GPC5: variants seen among roughly 807,000 people sequenced by gnomAD.
GPC5 encodes the protein glypican-5.
GPC5 carries 47 observed loss-of-function variants against 53.9 expected under a neutral mutation model. That is an observed-to-expected ratio of 0.87 (90% CI 0.69 to 1.11). The LOEUF is 1.11. Ranked by LOEUF, GPC5 falls within the 50% of genes most tolerant of loss-of-function variation. The pLI, the probability that GPC5 is intolerant of heterozygous loss-of-function variation, is 0.00. For synonymous variants in GPC5, 286 were observed against 263.3 expected (o/e 1.09, Z -0.84); for missense variants, 748 against 713.1 (o/e 1.05, Z -0.56).
chr13:91,491,830 A>T (rs1013504335), intron 2 of GPC5, among the ~76,000 whole-genome samples: 1 of 152,084 alleles, frequency 6.6e-6, no homozygotes, highest in Admixed American at 6.6e-5. Flanking sequence ...GTAATCCAGG[A>T]TGTTCTTATT....
intron 2 of GPC5, among the ~76,000 whole-genome samples, chr13:91,526,421 A>T (rs1022388214): frequency 6.6e-6 from 1 of 152,254 alleles, no homozygotes; most frequent in African/African-American, 2.4e-5. Flanking sequence ...GTTGAAATGC[A>T]GAGAAGGAAG....
chr13:92,342,909 CT>C (rs2043379197), intron 7 of GPC5, among the ~76,000 whole-genome samples: 1 of 152,060 alleles, frequency 6.6e-6, no homozygotes, highest in Non-Finnish European at 1.5e-5. Flanking sequence ...TTTTATCATA[CT>C]TATGTACAAA....
chr13:92,751,743 TA>T (rs1206149253), intron 7 of GPC5, among the ~76,000 whole-genome samples: 3 of 110,892 alleles, frequency 2.7e-5, no homozygotes, highest in South Asian at 3.7e-4. Context: ...ACTTAAAGTA[TA>T]AAAAAAAATA....
intron 7 of GPC5, among the ~76,000 whole-genome samples, chr13:92,602,187 C>CAT (rs1263496724): frequency 2.3e-5 from 3 of 133,028 alleles, no homozygotes; most frequent in Non-Finnish European, 3.2e-5. Flanking sequence ...ATATATATTA[C>CAT]ATATATATAA....
intron 5 of GPC5, among the ~76,000 whole-genome samples, chr13:91,907,367 T>G (rs1331570092): frequency 6.8e-6 from 1 of 147,360 alleles, no homozygotes; most frequent in Admixed American, 6.9e-5. Context: ...TTGGAGGAAC[T>G]AATTAGGAAA....
Position 92,533,410 on chromosome 13 carries a change from C to T in GPC5, c.1562-332872C>T, listed in dbSNP as rs193253576. ...TTCTTCATTAACATTACCATCAGAA[C>T]ATTTCTTTATAATGGGAATATTCAT... On this transcript the variant is annotated intron_variant, in intron 7 of 7. Coordinates refer to ENST00000377067, the MANE Select transcript of GPC5 (RefSeq NM_004466.6). Among the ~76,000 whole-genome samples, 772 of 152,230 alleles carry T rather than the reference C, an allele frequency of 5.1e-3. 14 individuals are homozygous for T. The highest frequency in any genetic ancestry group is 3.6e-3 in the Non-Finnish European group (242 of 68,016).
chr13:92,440,648 A>T (rs1345827776), intron 7 of GPC5, among the ~76,000 whole-genome samples: 7 of 152,298 alleles, frequency 4.6e-5, no homozygotes, highest in African/African-American at 1.7e-4. Flanking sequence ...ATAATAGTTC[A>T]GCTCTTGGTT....
intron 7 of GPC5, among the ~76,000 whole-genome samples, chr13:92,401,096 C>A (rs569311010): frequency 6.6e-6 from 1 of 151,730 alleles, no homozygotes; most frequent in Non-Finnish European, 1.5e-5. Context: ...CAGACCTGTA[C>A]AGTAGACTGT....
intron 6 of GPC5, among the ~76,000 whole-genome samples, chr13:92,068,128 G>A (rs1266932610): frequency 6.6e-6 from 1 of 151,918 alleles, no homozygotes; most frequent in African/African-American, 2.4e-5. Context: ...TCTAATATCA[G>A]TAGAGATATC....
intron 2 of GPC5, among the ~76,000 whole-genome samples, chr13:91,499,899 T>C (rs1165275871): frequency 6.6e-6 from 1 of 152,238 alleles, no homozygotes; most frequent in Non-Finnish European, 1.5e-5. Flanking sequence ...TTTCAAGGGT[T>C]TATTTATTGC....
chr13:92,571,359 A>T (rs1883017082), intron 7 of GPC5, among the ~76,000 whole-genome samples: 1 of 152,172 alleles, frequency 6.6e-6, no homozygotes, highest in Admixed American at 6.5e-5. Flanking sequence ...CTTGAACAGG[A>T]TGACACAAGC....
intron 7 of GPC5, among the ~76,000 whole-genome samples, chr13:92,263,934 A>G (rs1462159102): frequency 2.6e-5 from 4 of 152,192 alleles, no homozygotes. Context: ...ACTATAATCA[A>G]TAATAATGAA....
chr13:92,549,091 A>G (rs1426386481), intron 7 of GPC5, among the ~76,000 whole-genome samples: 1 of 152,134 alleles, frequency 6.6e-6, no homozygotes, highest in Non-Finnish European at 1.5e-5. Context: ...TTTTTGAAAT[A>G]GGTAAAAACA....
chr13:92,451,988 G>A (rs1235386567), intron 7 of GPC5, among the ~76,000 whole-genome samples: 3 of 152,092 alleles, frequency 2.0e-5, no homozygotes, highest in Non-Finnish European at 4.4e-5. Flanking sequence ...GAAGAAAATA[G>A]GACTAAGGGG....
chr13:92,503,297 C>A (rs1042721293), intron 7 of GPC5, among the ~76,000 whole-genome samples: 3 of 151,624 alleles, frequency 2.0e-5, no homozygotes, highest in African/African-American at 4.8e-5. Flanking sequence ...TTTAACAATC[C>A]ATCAGTCAAA....
chr13:92,403,789 T>C (rs1317518384), intron 7 of GPC5, among the ~76,000 whole-genome samples: 2 of 152,180 alleles, frequency 1.3e-5, no homozygotes, highest in African/African-American at 4.8e-5. Context: ...CAAATGCTAA[T>C]AGAGATTTTG....
At chr13:91,915,579 T>TA (rs2039650359) in intron 6 of GPC5, among the ~76,000 whole-genome samples, 1 of 152,182 alleles carries the variant, frequency 6.6e-6, no homozygotes, top group Non-Finnish European at 1.5e-5. Flanking sequence ...TTGAGCTGTT[T>TA]TTCTGCCGGG....
intron 2 of GPC5, among the ~76,000 whole-genome samples, chr13:91,565,260 G>A (rs2031477898): frequency 6.6e-6 from 1 of 152,134 alleles, no homozygotes; most frequent in Non-Finnish European, 1.5e-5. Flanking sequence ...AAAGTGTTGG[G>A]ATTGCAGACA....
chr13:91,860,549 T>C (rs1020896443), intron 5 of GPC5, among the ~76,000 whole-genome samples: 5 of 146,452 alleles, frequency 3.4e-5, no homozygotes, highest in African/African-American at 5.1e-5. Flanking sequence ...TGAGATGGAG[T>C]CTTGCTCTGG....
Sources: allele counts gnomAD v4.1 joint callset (sites outside exome capture counted in the v4.1 genomes callset), GRCh38; gene constraint gnomAD v4.1.1; transcripts MANE v1.5; gene names NCBI Gene and HGNC (gene_info 2026-07-23, HGNC 2026-07-21).